The following SAMMSON variants were observed in gnomAD, a reference collection of about 807,000 sequenced individuals.
SAMMSON encodes survival associated mitochondrial melanoma specific oncogenic non-coding RNA, also known as long intergenic non-protein coding RNA 1212.
intron 7 of SAMMSON, among the ~76,000 whole-genome samples, chr3:70,333,596 A>T (rs1702640943): frequency 6.6e-6 from 1 of 152,080 alleles, no homozygotes; most frequent in Admixed American, 6.6e-5. Context: ...CCGGGCCTTG[A>T]TTTTATTTTT....
intron 6 of SAMMSON, among the ~76,000 whole-genome samples, chr3:70,290,281 C>T (rs1429411103): frequency 1.3e-5 from 2 of 152,146 alleles, no homozygotes; most frequent in East Asian, 1.9e-4. Context: ...TTCTAACAGA[C>T]GGGACTCTGA....
intron 7 of SAMMSON, among the ~76,000 whole-genome samples, chr3:70,323,455 GTGGGAGAGTTGCAATGGTTGCC>G (rs1168858298): frequency 6.6e-6 from 1 of 152,156 alleles, no homozygotes; most frequent in African/African-American, 2.4e-5. Context: ...CCTTACCTAA[GTGGGAGAGTTGCAATGGTTGCC>G]TGATCCATGT....
chr3:70,063,056 C>A (rs1310997783), intron 3 of SAMMSON, among the ~76,000 whole-genome samples: 1 of 152,054 alleles, frequency 6.6e-6, no homozygotes, highest in Non-Finnish European at 1.5e-5. Context: ...CCTGCTTTGT[C>A]TGCAGGGACC....
At chr3:70,197,741 T>C (rs1701196005) in intron 4 of SAMMSON, among the ~76,000 whole-genome samples, 1 of 152,238 alleles carries the variant, frequency 6.6e-6, no homozygotes, top group South Asian at 2.1e-4. Context: ...TCACAGCTTT[T>C]GGGTTGTGTT....
chr3:70,106,041 C>A (rs902308110), intron 4 of SAMMSON, among the ~76,000 whole-genome samples: 11 of 152,154 alleles, frequency 7.2e-5, no homozygotes, highest in Non-Finnish European at 1.3e-4. Flanking sequence ...GGGCAAAATG[C>A]AAGAAACAGT....
At chr3:70,338,600 AC>A (rs1245560092) in intron 7 of SAMMSON, among the ~76,000 whole-genome samples, 1 of 152,148 alleles carries the variant, frequency 6.6e-6, no homozygotes, top group Non-Finnish European at 1.5e-5. Context: ...ATTCCTACAC[AC>A]CAATAACAGA....
At chr3:70,391,176 G>C (rs1399515786), downstream of SAMMSON, among the ~76,000 whole-genome samples, 1 of 152,108 alleles carries the variant, frequency 6.6e-6, no homozygotes, top group African/African-American at 2.4e-5. Flanking sequence ...TTGCTATTTT[G>C]CTTAAGATCA....
chr3:70,269,038 A>G (rs1701950624), intron 6 of SAMMSON, among the ~76,000 whole-genome samples: 1 of 152,146 alleles, frequency 6.6e-6, no homozygotes, highest in African/African-American at 2.4e-5. Context: ...CTATTGTGAT[A>G]GGATATATTA....
At chr3:70,423,444 G>A (rs993417256) in intron 2 of SAMMSON, among the ~76,000 whole-genome samples, 1 of 152,126 alleles carries the variant, frequency 6.6e-6, no homozygotes, top group Non-Finnish European at 1.5e-5. Flanking sequence ...GGCATGCCAA[G>A]CACTTAGGCA....
intron 7 of SAMMSON, among the ~76,000 whole-genome samples, chr3:70,325,993 T>C (rs777148712): frequency 1.3e-4 from 20 of 152,184 alleles, no homozygotes; most frequent in Non-Finnish European, 2.6e-4. Flanking sequence ...TCTTTCACTC[T>C]TTGTTTCCTA....
At chr3:70,272,835 A>C (rs1701987377) in intron 6 of SAMMSON, among the ~76,000 whole-genome samples, 1 of 152,206 alleles carries the variant, frequency 6.6e-6, no homozygotes. Context: ...TTCTTTCGGC[A>C]AGACTTTGGG....
chr3:70,391,804 T>C (rs1701051150), downstream of SAMMSON, among the ~76,000 whole-genome samples: 2 of 152,178 alleles, frequency 1.3e-5, no homozygotes, highest in Non-Finnish European at 2.9e-5. Context: ...TTTCATTATA[T>C]GAAGGCAAAC....
chr3:70,413,753 G>T (rs1701241199), intron 2 of SAMMSON, among the ~76,000 whole-genome samples: 1 of 151,956 alleles, frequency 6.6e-6, no homozygotes, highest in African/African-American at 2.4e-5. Flanking sequence ...ACTATTTAGG[G>T]AAAATAATAG....
intron 4 of SAMMSON, among the ~76,000 whole-genome samples, chr3:70,240,712 T>C (rs1701659306): frequency 6.6e-6 from 1 of 152,204 alleles, no homozygotes; most frequent in African/African-American, 2.4e-5. Context: ...TGGCTAAACA[T>C]GGTGCATTTC....
intron 4 of SAMMSON, among the ~76,000 whole-genome samples, chr3:70,208,179 C>T (rs761864758): frequency 1.3e-5 from 2 of 152,024 alleles, no homozygotes; most frequent in Non-Finnish European, 2.9e-5. Context: ...CAACAGTCCT[C>T]GTGGTTTGGT....
chr3:70,312,679 C>G (rs1001126717), intron 7 of SAMMSON: 7 of 152,080 alleles, frequency 4.6e-5, no homozygotes, highest in African/African-American at 1.7e-4. Flanking sequence ...ACACTCCCTC[C>G]CGGGGTGGTG....
chr3:70,323,698 G>C (rs1702555305), intron 7 of SAMMSON, among the ~76,000 whole-genome samples: 1 of 152,096 alleles, frequency 6.6e-6, no homozygotes, highest in Non-Finnish European at 1.5e-5. Flanking sequence ...TATTACATTG[G>C]GAAGAAGATT....
intron 9 of SAMMSON, among the ~76,000 whole-genome samples, chr3:70,373,976 G>T (rs548877682): frequency 6.6e-6 from 1 of 152,154 alleles, no homozygotes; most frequent in South Asian, 2.1e-4. Context: ...GTGCAATGGC[G>T]CCATCTCGGC....
At chr3:70,361,205 G>A (rs558642244) in intron 9 of SAMMSON, among the ~76,000 whole-genome samples, 2 of 152,134 alleles carry the variant, frequency 1.3e-5, no homozygotes, top group African/African-American at 4.8e-5. Flanking sequence ...TAGTCTCCTT[G>A]TGAGTCATCA....
Sources: gnomAD v4.1 joint callset for allele counts (sites outside exome capture counted in the v4.1 genomes callset) on GRCh38, gnomAD v4.1.1 for gene constraint, MANE v1.5 for transcripts, NCBI Gene and HGNC (gene_info 2026-07-23, HGNC 2026-07-21) for gene names.